Variants in AHCYL2 observed in about 807,000 individuals in gnomAD.
AHCYL2 encodes the protein S-adenosylhomocysteine hydrolase-like protein 2.
Under a neutral mutation model 81.4 loss-of-function variants are expected in AHCYL2, and 28 were observed. The observed-to-expected ratio is 0.34, with a 90% CI of 0.25 to 0.47. AHCYL2 has a LOEUF of 0.47. Ranked by LOEUF, AHCYL2 falls within the 20% of genes least tolerant of loss-of-function variation. The pLI, the probability that AHCYL2 is intolerant of heterozygous loss-of-function variation, is 1.00. For missense variants in AHCYL2, 551 were observed against 785.1 expected (o/e 0.70, Z 3.56); for synonymous variants, 272 against 290.2 (o/e 0.94, Z 0.64).
At chr7:129,325,221 T>A (rs1439768256) in intron 1 of AHCYL2, among the ~76,000 whole-genome samples, 2 of 152,186 alleles carry the variant, frequency 1.3e-5, no homozygotes, top group African/African-American at 4.8e-5. Flanking sequence ...GTAGTGATGC[T>A]TTTTTCCAGC....
intron 2 of AHCYL2, among the ~76,000 whole-genome samples, chr7:129,383,981 A>C (rs958535657): frequency 1.3e-5 from 2 of 152,178 alleles, no homozygotes; most frequent in African/African-American, 4.8e-5. Context: ...AAGACAACAG[A>C]TTTTAAGTGT....
At chr7:129,329,894 G>T (rs1798357361) in intron 1 of AHCYL2, among the ~76,000 whole-genome samples, 1 of 152,240 alleles carries the variant, frequency 6.6e-6, no homozygotes, top group African/African-American at 2.4e-5. Flanking sequence ...AATTTAGTGA[G>T]AATAGTTCTG....
chr7:129,330,506 TGTCGTCCAG>T (rs564108996), intron 1 of AHCYL2, among the ~76,000 whole-genome samples: 100 of 150,876 alleles, frequency 6.6e-4, no homozygotes, highest in African/African-American at 2.3e-3. Context: ...AGTCTCACTC[TGTCGTCCAG>T]GCTGGAGTGC....
chr7:129,229,061 C>CTT lies in AHCYL2; in HGVS notation c.363+3644_363+3645dup, dbSNP rs59291148. Among the ~76,000 whole-genome samples, 1,068 of 144,566 alleles carry CTT rather than the reference C, an allele frequency of 7.4e-3. 16 individuals are homozygous for CTT. The highest frequency in any genetic ancestry group is 0.027 in the African/African-American group (1,017 of 38,280). 94.8% of individuals were successfully genotyped at this position (144,566 alleles called of 152,430 possible). A position where few individuals can be genotyped will look rare whatever the true frequency, so the allele number is the denominator to read the frequency against. On this transcript the variant is annotated intron_variant, in intron 1 of 16. Coordinates refer to ENST00000325006, the MANE Select transcript of AHCYL2 (RefSeq NM_015328.4). ...GTAATAATAGTTACCAATAATTAGC[C>CTT]TTTTTTTTTTTTTTTTTTTTTTTGA...
intron 1 of AHCYL2, among the ~76,000 whole-genome samples, chr7:129,337,942 C>G (rs906901897): frequency 3.3e-5 from 5 of 149,926 alleles, no homozygotes; most frequent in South Asian, 2.1e-4. Context: ...GGGGGTTTCT[C>G]CATGTTGGTC....
intron 1 of AHCYL2, among the ~76,000 whole-genome samples, chr7:129,310,192 TA>T (rs1221657294): frequency 6.6e-6 from 1 of 151,816 alleles, no homozygotes; most frequent in African/African-American, 2.4e-5. Context: ...CATTCCCATT[TA>T]AAAAAAAGAA....
chr7:129,301,735 C>T (rs1183352572), intron 1 of AHCYL2, among the ~76,000 whole-genome samples: 1 of 152,136 alleles, frequency 6.6e-6, no homozygotes, highest in African/African-American at 2.4e-5. Context: ...TGTTTTTATG[C>T]CAGTACCATG....
chr7:129,289,418 C>G (rs1385324589), intron 1 of AHCYL2, among the ~76,000 whole-genome samples: 2 of 152,198 alleles, frequency 1.3e-5, no homozygotes, highest in African/African-American at 4.8e-5. Context: ...ATGTTAGTAA[C>G]TATTGATGAT....
chr7:129,257,830 G>A (rs1215430018), intron 1 of AHCYL2, among the ~76,000 whole-genome samples: 1 of 152,162 alleles, frequency 6.6e-6, no homozygotes, highest in Non-Finnish European at 1.5e-5. Context: ...GAGACATAGT[G>A]CTGAGTAACA....
chr7:129,415,995 C>T (rs1423035976), intron 12 of AHCYL2, among the ~76,000 whole-genome samples: 2 of 152,116 alleles, frequency 1.3e-5, no homozygotes, highest in South Asian at 2.1e-4. Context: ...GCCGCGATCA[C>T]GCCATTGCAC....
intron 1 of AHCYL2, among the ~76,000 whole-genome samples, chr7:129,299,838 A>C (rs943123097): frequency 9.9e-5 from 15 of 152,196 alleles, no homozygotes; most frequent in African/African-American, 3.4e-4. Context: ...CACATGTAGG[A>C]TCATGACCTG....
intron 7 of AHCYL2, among the ~76,000 whole-genome samples, chr7:129,404,648 G>A (rs1404877714): frequency 1.3e-5 from 2 of 152,112 alleles, no homozygotes; most frequent in African/African-American, 4.8e-5. Context: ...GCTCTCCAGC[G>A]GGGACAACAA....
At chr7:129,357,660 C>T (rs144485268) in intron 1 of AHCYL2, among the ~76,000 whole-genome samples, 39 of 152,294 alleles carry the variant, frequency 2.6e-4, no homozygotes, top group Non-Finnish European at 3.8e-4. Flanking sequence ...GTGGGCCGGG[C>T]GCAGTGGCTC....
intron 11 of AHCYL2, among the ~76,000 whole-genome samples, chr7:129,412,530 C>T (rs183658959): frequency 7.2e-5 from 11 of 151,984 alleles, no homozygotes; most frequent in African/African-American, 2.2e-4. Context: ...ATCCACCCCC[C>T]TCAGCCTCCC....
chr7:129,427,337 A>G lies in AHCYL2; in HGVS notation c.*292A>G. 1 of 312,724 alleles carries G rather than the reference A, an allele frequency of 3.2e-6. No individual in the cohort carries two copies. The highest frequency in any genetic ancestry group is 5.9e-6 in the Non-Finnish European group (1 of 170,348). 19.4% of individuals were successfully genotyped at this position (312,724 alleles called of 1,614,324 possible). On this transcript the variant is annotated 3_prime_UTR_variant, in exon 17 of 17. Coordinates refer to ENST00000325006, the MANE Select transcript of AHCYL2 (RefSeq NM_015328.4). This position sits in a 1 kb window ranked among gnomAD's most constrained non-coding sequence, Gnocchi z 5.5. The stretch of plus-strand genomic sequence containing the variant: ...ATTTGCATCATTCCCCATTGACTGA[A>G]TCCTCAGCAGTGGCCGTTTTTCCTC...
At chr7:129,268,033 T>C (rs1233392995) in intron 1 of AHCYL2, among the ~76,000 whole-genome samples, 1 of 138,938 alleles carries the variant, frequency 7.2e-6, no homozygotes, top group Non-Finnish European at 1.6e-5. Flanking sequence ...TTGACGACTT[T>C]TTGGACAAAC....
chr7:129,357,603 C>A (rs1415215966), intron 1 of AHCYL2, among the ~76,000 whole-genome samples: 1 of 152,090 alleles, frequency 6.6e-6, no homozygotes, highest in African/African-American at 2.4e-5. Flanking sequence ...AGACTCTTCA[C>A]ATAAGATGAT....
At chr7:129,414,749 A>G (rs1363284993) in intron 12 of AHCYL2, among the ~76,000 whole-genome samples, 1 of 152,100 alleles carries the variant, frequency 6.6e-6, no homozygotes, top group Non-Finnish European at 1.5e-5. Context: ...CAGACTTACC[A>G]AAGTATCTCT....
chr7:129,336,301 C>T (rs1202421494), intron 1 of AHCYL2, among the ~76,000 whole-genome samples: 2 of 152,010 alleles, frequency 1.3e-5, no homozygotes, highest in Non-Finnish European at 1.5e-5. Context: ...CTCTTGACCT[C>T]GAGTGATCCA....
Sources: allele counts gnomAD v4.1 joint callset (sites outside exome capture counted in the v4.1 genomes callset), GRCh38; gene constraint gnomAD v4.1.1; non-coding constraint Gnocchi (gnomAD v3.1); transcripts MANE v1.5; gene names NCBI Gene and HGNC (gene_info 2026-07-23, HGNC 2026-07-21).